The following SHROOM4 variants were observed in gnomAD, a reference collection of about 807,000 sequenced individuals.
SHROOM4 encodes the protein protein Shroom4.
A neutral mutation model predicts 80.3 loss-of-function variants in SHROOM4; 17 were observed. The observed-to-expected ratio is 0.21, with a 90% confidence interval of 0.14 to 0.32. The LOEUF (loss-of-function observed/expected upper bound fraction) is 0.32. Ranked by LOEUF, SHROOM4 falls within the 10% of genes least tolerant of loss-of-function variation. The pLI is 1.00. For missense variants in SHROOM4, 993 were observed against 1,140.3 expected (o/e 0.87, Z 1.86); for synonymous variants, 400 against 437.5 (o/e 0.91, Z 1.07).
At chrX:50,618,346 T>A (rs1420723635) in intron 5 of SHROOM4, among the ~76,000 whole-genome samples, 7 of 11,421 alleles carry the variant, frequency 6.1e-4, no homozygotes, top group African/African-American at 3.1e-3. Flanking sequence ...CTTCCTTCCT[T>A]CCTTCCTTCC....
intron 2 of SHROOM4, among the ~76,000 whole-genome samples, chrX:50,694,488 T>C (rs782185633): frequency 9.3e-6 from 1 of 108,047 alleles, no homozygotes; most frequent in Non-Finnish European, 1.9e-5. Context: ...GTTGGCCATT[T>C]GTGTGTCTTC....
intron 1 of SHROOM4, among the ~76,000 whole-genome samples, chrX:50,786,477 G>T (rs1212682163): frequency 3.6e-5 from 4 of 112,039 alleles, no homozygotes; most frequent in African/African-American, 9.7e-5. Context: ...CAAAGGACTG[G>T]TTTATGTCTT....
intron 1 of SHROOM4, among the ~76,000 whole-genome samples, chrX:50,748,924 A>G (rs1409544979): frequency 8.9e-6 from 1 of 112,611 alleles, no homozygotes; most frequent in Non-Finnish European, 1.9e-5. Flanking sequence ...CCATTTCATT[A>G]AAGATGCTGG....
intron 2 of SHROOM4, among the ~76,000 whole-genome samples, chrX:50,651,112 A>G (rs1195118037): frequency 9.0e-6 from 1 of 111,373 alleles, no homozygotes; most frequent in Non-Finnish European, 1.9e-5. Context: ...ACAAAAAAAC[A>G]CTACTCAGGG....
intron 1 of SHROOM4, among the ~76,000 whole-genome samples, chrX:50,715,808 A>C (rs2147502976): frequency 9.1e-6 from 1 of 109,669 alleles, no homozygotes; most frequent in South Asian, 4.1e-4. Context: ...AGGTTCCTCA[A>C]AAAATTAAAA....
At chrX:50,725,224 C>T (rs1934218350) in intron 1 of SHROOM4, among the ~76,000 whole-genome samples, 1 of 112,117 alleles carries the variant, frequency 8.9e-6, no homozygotes, top group Non-Finnish European at 1.9e-5. Context: ...TCCACTGGCA[C>T]CTCTTATCCT....
At chrX:50,675,446 G>A (rs1247142829) in intron 2 of SHROOM4, among the ~76,000 whole-genome samples, 1 of 111,210 alleles carries the variant, frequency 9.0e-6, no homozygotes. Context: ...GAGAAGAGGG[G>A]ATCAAGATGC....
chrX:50,591,287 T>A lies in SHROOM4; in HGVS notation c.*5408A>T, dbSNP rs1318630368. 8.9e-6 allele frequency among the ~76,000 whole-genome samples: 1 copy of A among 112,327 alleles called. No homozygotes were observed. Among genetic ancestry groups the A allele is most frequent in the Non-Finnish European group, 1.9e-5 (1 of 53,297 alleles). ...CTACCCTTGTGTCTGTACCACACTGTCTTGATTACTGTAGTTTTGCAGTAA... is the reference window on the plus strand; with the variant it reads ...CTACCCTTGTGTCTGTACCACACTGACTTGATTACTGTAGTTTTGCAGTAA... On this transcript the variant is annotated 3_prime_UTR_variant, in exon 9 of 9. Transcript: ENST00000376020.
At chrX:50,758,712 T>C (rs1345742412) in intron 1 of SHROOM4, among the ~76,000 whole-genome samples, 1 of 111,989 alleles carries the variant, frequency 8.9e-6, no homozygotes, top group Non-Finnish European at 1.9e-5. Context: ...TTTCCTCTAT[T>C]TTCTGGGAGA....
At chrX:50,801,050 A>G (rs1178114536) in intron 1 of SHROOM4, among the ~76,000 whole-genome samples, 2 of 108,942 alleles carry the variant, frequency 1.8e-5, no homozygotes, top group African/African-American at 6.7e-5. Context: ...GTTGTACTGA[A>G]GTTGGGTCAA....
At chrX:50,740,098 C>T (rs367885794) in intron 1 of SHROOM4, among the ~76,000 whole-genome samples, 2,035 of 73,627 alleles carry the variant, frequency 0.028, 36 homozygotes, top group Middle Eastern at 0.06. Context: ...AACCAAACAC[C>T]GCATGTTCTC....
chrX:50,632,910 C>T (rs954052232), intron 4 of SHROOM4, among the ~76,000 whole-genome samples: 18 of 111,541 alleles, frequency 1.6e-4, no homozygotes, highest in African/African-American at 5.6e-4. Flanking sequence ...TGCTTTGGGT[C>T]ACTCAGATAT....
chrX:50,779,323 T>C, intron 1 of SHROOM4, among the ~76,000 whole-genome samples: 1 of 112,140 alleles, frequency 8.9e-6, no homozygotes, highest in East Asian at 2.8e-4. Context: ...AAGAAACAGT[T>C]GATTCGAAGA....
chrX:50,687,879 T>A (rs1050086196), intron 2 of SHROOM4, among the ~76,000 whole-genome samples: 9 of 109,780 alleles, frequency 8.2e-5, no homozygotes, highest in Non-Finnish European at 1.5e-4. Flanking sequence ...CAGTTACTCA[T>A]AGTTCCTACT....
intron 2 of SHROOM4, among the ~76,000 whole-genome samples, chrX:50,639,246 G>A (rs1602394064): frequency 9.0e-6 from 1 of 111,258 alleles, no homozygotes. Context: ...CATGGATAAT[G>A]CCAGGAGATA....
At chrX:50,617,908 T>A (rs1930317923) in intron 5 of SHROOM4, among the ~76,000 whole-genome samples, 1 of 111,539 alleles carries the variant, frequency 9.0e-6, no homozygotes, top group Non-Finnish European at 1.9e-5. Flanking sequence ...CTACCCTTAA[T>A]GGGATCATCT....
rs1931166742 is a variant in SHROOM4 at position 50,633,555 on chromosome X, T to C, written c.2518A>G (p.Thr840Ala). 8.3e-7 allele frequency: 1 copy of C among 1,211,769 alleles called. No individual in the cohort carries two copies. Among genetic ancestry groups the C allele is most frequent in the Non-Finnish European group, 1.1e-6 (1 of 895,522 alleles). Residue 840 changes from threonine (T) to alanine (A), a missense_variant, in exon 4 of 9, where the codon ACA (threonine) becomes GCA (alanine). Coordinates refer to ENST00000376020, the MANE Select transcript of SHROOM4 (RefSeq NM_020717.5). ...YHSADQPYHA[T>A]DQSYHSMSPL... is the part of the protein sequence containing the mutation. ...GACATGGAATGATATGATTGGTCTG[T>C]GGCATGATATGGTTGGTCTGCGGAA...
intron 1 of SHROOM4, among the ~76,000 whole-genome samples, chrX:50,711,252 T>C (rs1479283311): frequency 1.8e-5 from 2 of 111,710 alleles, no homozygotes; most frequent in Non-Finnish European, 3.8e-5. Context: ...TCTTATTGTA[T>C]GCCACCTGGT....
Position 50,635,429 on chromosome X carries a change from T to A in SHROOM4, c.644A>T (p.Asp215Val), listed in dbSNP as rs1557255795. The change falls in exon 4 of 9, where the codon GAC becomes GTC. Residue 215 changes from aspartate to valine, a missense_variant. Coordinates refer to ENST00000376020, the MANE Select transcript of SHROOM4 (RefSeq NM_020717.5). Reference sequence around the variant, plus strand: ...TGGCCCTGGGCCTTGCATGATGCAGTCTGTAGAGGCTGGCTCCTCTGGCCT... The same window carrying A: ...TGGCCCTGGGCCTTGCATGATGCAGACTGTAGAGGCTGGCTCCTCTGGCCT... ...SLRPEEPAST[D>V]CIMQGPGPTK... is the part of the protein sequence containing the mutation. The A allele has an allele frequency of 8.3e-7, 1 of 1,206,880 alleles. No homozygotes were observed. Among genetic ancestry groups the A allele is most frequent in the Admixed American group, 2.2e-5 (1 of 45,594 alleles).
Sources: allele counts gnomAD v4.1 joint callset (sites outside exome capture counted in the v4.1 genomes callset), GRCh38; gene constraint gnomAD v4.1.1; transcripts MANE v1.5; gene names NCBI Gene and HGNC (gene_info 2026-07-23, HGNC 2026-07-21).